The following DIP2C variants were observed in gnomAD, a reference collection of about 807,000 sequenced individuals.
DIP2C encodes the protein disco-interacting protein 2 homolog C.
A neutral mutation model predicts 192.4 loss-of-function variants in DIP2C; 33 were observed. The ratio of observed to expected loss-of-function variants is 0.17; its 90% confidence interval spans 0.13 to 0.23. DIP2C has a LOEUF of 0.23. DIP2C is among the 10% of genes least tolerant of loss of function. DIP2C has a pLI of 1.00. For synonymous variants in DIP2C, 979 were observed against 864.1 expected (o/e 1.13, Z -2.33); for missense variants, 1,537 against 2,110.1 (o/e 0.73, Z 5.32).
At position 655,684 on chromosome 10, in the gene DIP2C, T is replaced by C. The variant is rs201350835; in HGVS notation, c.85+33810A>G. Among the ~76,000 whole-genome samples the C allele has an allele frequency of 5.9e-5, 9 of 152,192 alleles. No homozygotes were observed. In the East Asian group the frequency reaches 1.5e-3, roughly 26 times the overall value. ...ATTATGCTATGCAATACTACGTTGT[T>C]AGTTCAACTGTATACTCTACAATAC... is the stretch of plus-strand genomic sequence containing the variant. On this transcript the variant is annotated intron_variant, in intron 1 of 36. Transcript: ENST00000280886.
intron 6 of DIP2C, among the ~76,000 whole-genome samples, chr10:416,406 C>T (rs766698869): frequency 1.4e-4 from 22 of 152,134 alleles, no homozygotes; most frequent in Admixed American, 3.3e-4. Flanking sequence ...CCCACAGCCC[C>T]GGGCTCAGGT....
rs376439976 is a variant in DIP2C at position 363,433 on chromosome 10, C to T, written c.2478-122G>A. On this transcript the variant is annotated intron_variant, in intron 20 of 36. Coordinates refer to ENST00000280886, the MANE Select transcript of DIP2C (RefSeq NM_014974.3). The surrounding 1 kb of genome is among the most constrained non-coding windows in gnomAD (Gnocchi z 5.4). ...CACAGCTCCAACTACGACTTCAAAA[C>T]GGCCGCTGTACTTCCGAATTTCCCC... 1.6e-4 allele frequency: 125 copies of T among 786,376 alleles called. 1 individual carries two copies. In the East Asian group the frequency reaches 3.2e-3, roughly 20 times the overall value. 48.7% of individuals were successfully genotyped at this position (786,376 alleles called of 1,614,324 possible). A position where few individuals can be genotyped will look rare whatever the true frequency, so the allele number is the denominator to read the frequency against.
chr10:606,799 G>A (rs1238020595), intron 1 of DIP2C, among the ~76,000 whole-genome samples: 1 of 152,166 alleles, frequency 6.6e-6, no homozygotes, highest in Non-Finnish European at 1.5e-5. Flanking sequence ...CGAGACCAGG[G>A]AAGCTACACA....
rs1851717052 is a variant in DIP2C at position 596,534 on chromosome 10, GT to G, written c.85+92959del. Reference sequence around the variant, plus strand: ...AAAAAAAAAAAAAAAAAAGTATTAAGTTTTCCTTCCAATGAACCTATCATTC... The same window carrying G: ...AAAAAAAAAAAAAAAAAAGTATTAAGTTTCCTTCCAATGAACCTATCATTC... On this transcript the variant is annotated intron_variant, in intron 1 of 36. Transcript: ENST00000280886. Among the ~76,000 whole-genome samples the G allele has an allele frequency of 2.4e-5, 3 of 126,334 alleles. No homozygotes were observed. The East Asian group carries it at 7.7e-4, about 32-fold the overall frequency. 82.9% of individuals were successfully genotyped at this position (126,334 alleles called of 152,430 possible).
chr10:434,579 C>T (rs1435086559), intron 4 of DIP2C, among the ~76,000 whole-genome samples: 2 of 152,240 alleles, frequency 1.3e-5, no homozygotes, highest in African/African-American at 4.8e-5. Flanking sequence ...AGACTCTGCT[C>T]TTCCTTTCTT....
intron 1 of DIP2C, among the ~76,000 whole-genome samples, chr10:539,338 T>C (rs147059012): frequency 6.6e-6 from 1 of 152,332 alleles, no homozygotes; most frequent in Non-Finnish European, 1.5e-5. Context: ...GTACTAAGCA[T>C]TCAGACTTTA....
At chr10:354,397 A>G (rs1287604068) in intron 24 of DIP2C, among the ~76,000 whole-genome samples, 1 of 152,222 alleles carries the variant, frequency 6.6e-6, no homozygotes, top group Non-Finnish European at 1.5e-5. Flanking sequence ...TGCCAAGCCC[A>G]GGACCATGGC....
At chr10:413,787 C>A in intron 8 of DIP2C, 126 bp downstream of exon 8, 1 of 1,236,062 alleles carries the variant, frequency 8.1e-7, no homozygotes. Context: ...AGGGCGTGGG[C>A]AAAGGGCAGA....
At chr10:493,553 G>C (rs921295372) in intron 1 of DIP2C, among the ~76,000 whole-genome samples, 4 of 152,120 alleles carry the variant, frequency 2.6e-5, no homozygotes, top group African/African-American at 9.7e-5. Flanking sequence ...AGCATGGCCC[G>C]CCGCCTGCTG....
intron 1 of DIP2C, chr10:631,233 A>G (rs1015705241): frequency 1.3e-5 from 2 of 152,276 alleles, no homozygotes; most frequent in African/African-American, 4.8e-5. Context: ...AATTTAATTA[A>G]AACATCTCAG....
intron 1 of DIP2C, among the ~76,000 whole-genome samples, chr10:627,125 C>T (rs1312349662): frequency 2.0e-5 from 3 of 152,254 alleles, no homozygotes; most frequent in Non-Finnish European, 2.9e-5. Context: ...GGGTGGTCCC[C>T]GCACACGCAG....
At chr10:330,586 G>A (rs538664156) in intron 29 of DIP2C, among the ~76,000 whole-genome samples, 17 of 152,074 alleles carry the variant, frequency 1.1e-4, no homozygotes, top group Admixed American at 6.5e-5. Flanking sequence ...TCAAACTCCT[G>A]GGCTCCAGCA....
chr10:286,426 C>G, intron 33 of DIP2C, 79 bp from the exon 34 acceptor site: 1 of 1,280,516 alleles, frequency 7.8e-7, no homozygotes, highest in Non-Finnish European at 1.1e-6. Flanking sequence ...TCAATCTCAT[C>G]TTTATGCCAT....
chr10:616,393 G>A (rs994733999), intron 1 of DIP2C, among the ~76,000 whole-genome samples: 9 of 152,166 alleles, frequency 5.9e-5, no homozygotes, highest in African/African-American at 1.9e-4. Flanking sequence ...TCAGTCAGAC[G>A]CAAATTAATT....
chr10:390,142 G>GTT (rs201598542), intron 12 of DIP2C, 49 bp from the exon 13 acceptor site: 1 of 1,594,910 alleles, frequency 6.3e-7, no homozygotes, highest in South Asian at 1.1e-5. Context: ...GGTCACGGCA[G>GTT]TTTTTCTGGT....
Position 364,560 on chromosome 10 carries a change from C to T in DIP2C, c.2291G>A (p.Gly764Glu), listed in dbSNP as rs1356270985. The T allele has an allele frequency of 6.2e-7, 1 of 1,614,004 alleles. No homozygotes were observed. The highest frequency in any genetic ancestry group is 2.2e-5 in the East Asian group (1 of 44,882). ...TFEVFPMTSS[G>E]APISEYPFIR... ...GAATGGGTATTCACTGATCGGAGCC[C>T]CGGAGCTTGTCATGGGAAACACCTG... Residue 764 changes from glycine (G) to glutamate (E), a missense_variant, in exon 20 of 37, where the codon GGG becomes GAG. Transcript: ENST00000280886.
rs183959053 is a variant in DIP2C at position 476,420 on chromosome 10, C to T, written c.158-3871G>A. Reference sequence around the variant, plus strand: ...AACTTTCCTAGGCTCAGCCTCCTGCCTCTGGACAGAAGCAGCAGTAGCTAA... The same window carrying T: ...AACTTTCCTAGGCTCAGCCTCCTGCTTCTGGACAGAAGCAGCAGTAGCTAA... On this transcript the variant is annotated intron_variant, in intron 2 of 36. Coordinates refer to ENST00000280886, the MANE Select transcript of DIP2C (RefSeq NM_014974.3). Among the ~76,000 whole-genome samples the T allele has an allele frequency of 1.3e-4, 20 of 152,318 alleles. No individual in the cohort carries two copies. The East Asian group carries it at 3.9e-3, about 29-fold the overall frequency.
intron 2 of DIP2C, among the ~76,000 whole-genome samples, chr10:475,559 T>C (rs1471959995): frequency 2.0e-5 from 3 of 152,158 alleles, no homozygotes; most frequent in Non-Finnish European, 4.4e-5. Context: ...TCACAGACCT[T>C]ACATGTCTGA....
chr10:306,452 A>G (rs1375002680), intron 32 of DIP2C, among the ~76,000 whole-genome samples: 2 of 152,176 alleles, frequency 1.3e-5, no homozygotes, highest in Admixed American at 1.3e-4. Context: ...GCATGTGCAT[A>G]CCAATAAGCT....
Sources: allele counts gnomAD v4.1 joint callset (sites outside exome capture counted in the v4.1 genomes callset), GRCh38; gene constraint gnomAD v4.1.1; non-coding constraint Gnocchi (gnomAD v3.1); transcripts MANE v1.5; gene names NCBI Gene and HGNC (gene_info 2026-07-23, HGNC 2026-07-21).